The following PDZRN3 variants were observed in gnomAD, a reference collection of about 807,000 sequenced individuals.
PDZRN3 encodes E3 ubiquitin-protein ligase PDZRN3.
Under a neutral mutation model 85.7 loss-of-function variants are expected in PDZRN3, and 38 were observed. The observed-to-expected ratio is 0.44, with a 90% CI of 0.34 to 0.58. The LOEUF (loss-of-function observed/expected upper bound fraction) is 0.58. PDZRN3 is among the 20% of genes least tolerant of loss of function. The probability of loss-of-function intolerance (pLI) is 0.01; values close to 1 mark genes in which losing one functional copy is unlikely to be tolerated. For missense variants in PDZRN3, 1,629 were observed against 1,506.4 expected, an observed-to-expected ratio of 1.08 and a Z score of -1.35; for synonymous variants, 759 against 638.0, an observed-to-expected ratio of 1.19 and a Z score of -2.86.
intron 3 of PDZRN3, among the ~76,000 whole-genome samples, chr3:73,514,459 T>C (rs1420712946): frequency 6.6e-6 from 1 of 152,216 alleles, no homozygotes; most frequent in African/African-American, 2.4e-5. Context: ...AGGAGAGTGA[T>C]ACTTAGGGTT....
intron 3 of PDZRN3, among the ~76,000 whole-genome samples, chr3:73,530,953 C>T (rs1255511550): frequency 1.3e-5 from 2 of 152,058 alleles, no homozygotes; most frequent in Non-Finnish European, 2.9e-5. Context: ...ATTATCTTTA[C>T]TTTATCAAGA....
intron 3 of PDZRN3, among the ~76,000 whole-genome samples, chr3:73,457,622 C>A (rs187928798): frequency 1.3e-5 from 2 of 152,134 alleles, no homozygotes; most frequent in African/African-American, 2.4e-5. Context: ...CCAGTACTTG[C>A]CACCACAGAG....
intron 3 of PDZRN3, 55 bp from the exon 4 acceptor site, chr3:73,404,450 G>A (rs1021443567): frequency 2.4e-5 from 37 of 1,545,514 alleles, no homozygotes; most frequent in African/African-American, 4.1e-5. Context: ...AAAACGGAAG[G>A]ACAAATACAT....
At chr3:73,497,643 C>T (rs1703891630) in intron 3 of PDZRN3, among the ~76,000 whole-genome samples, 3 of 152,206 alleles carry the variant, frequency 2.0e-5, no homozygotes, top group Admixed American at 2.0e-4. Flanking sequence ...TCTACGTACC[C>T]ATCACCCAGC....
chr3:73,470,099 T>G (rs1248480997), intron 3 of PDZRN3, among the ~76,000 whole-genome samples: 1 of 152,150 alleles, frequency 6.6e-6, no homozygotes, highest in Non-Finnish European at 1.5e-5. Context: ...ACCACTGCAT[T>G]GGGGTATGAT....
At chr3:73,409,696 G>T (rs191342573) in intron 3 of PDZRN3, among the ~76,000 whole-genome samples, 128 of 152,214 alleles carry the variant, frequency 8.4e-4, no homozygotes, top group Non-Finnish European at 1.4e-3. Context: ...GGTTTTCACG[G>T]TCTACTTAGA....
intron 3 of PDZRN3, among the ~76,000 whole-genome samples, chr3:73,548,469 T>C (rs1308152630): frequency 6.6e-6 from 1 of 152,164 alleles, no homozygotes; most frequent in African/African-American, 2.4e-5. Context: ...ACTCACTAAT[T>C]TGAGGCTTTT....
At chr3:73,438,083 A>T (rs1702564332) in intron 3 of PDZRN3, among the ~76,000 whole-genome samples, 2 of 152,206 alleles carry the variant, frequency 1.3e-5, no homozygotes, top group Non-Finnish European at 2.9e-5. Context: ...TAATAAGCTC[A>T]CCAGAGCACA....
intron 3 of PDZRN3, among the ~76,000 whole-genome samples, chr3:73,416,876 GTTTTTTT>G (rs146381615): frequency 9.1e-6 from 1 of 110,406 alleles, no homozygotes; most frequent in Non-Finnish European, 1.8e-5. Flanking sequence ...TTTTTTTTTG[GTTTTTTT>G]TTTTTTTTTT....
intron 3 of PDZRN3, among the ~76,000 whole-genome samples, chr3:73,518,016 A>G (rs550850643): frequency 9.3e-4 from 141 of 152,376 alleles, no homozygotes; most frequent in Middle Eastern, 6.8e-3. Context: ...GTATATACCC[A>G]AAAGAATGGA....
chr3:73,590,870 G>A (rs1329201093), intron 3 of PDZRN3, among the ~76,000 whole-genome samples: 3 of 152,060 alleles, frequency 2.0e-5, no homozygotes, highest in African/African-American at 7.2e-5. Context: ...ATACTTAATC[G>A]ATTCTATTTT....
At chr3:73,494,096 G>A (rs1308841048) in intron 3 of PDZRN3, among the ~76,000 whole-genome samples, 1 of 152,134 alleles carries the variant, frequency 6.6e-6, no homozygotes, top group African/African-American at 2.4e-5. Flanking sequence ...GCTATGTTTT[G>A]TTTTCTGCTG....
intron 3 of PDZRN3, among the ~76,000 whole-genome samples, chr3:73,543,473 G>C (rs939678567): frequency 6.6e-6 from 1 of 152,226 alleles, no homozygotes; most frequent in African/African-American, 2.4e-5. Context: ...CTTTAAATTT[G>C]TTCTTTCATG....
At chr3:73,415,950 G>A (rs538408031) in intron 3 of PDZRN3, among the ~76,000 whole-genome samples, 4 of 144,322 alleles carry the variant, frequency 2.8e-5, no homozygotes, top group Admixed American at 7.0e-5. Flanking sequence ...CTGGACATTT[G>A]CCAAGAGAGT....
chr3:73,614,209 C>A (rs532467007), intron 1 of PDZRN3, among the ~76,000 whole-genome samples: 1 of 152,150 alleles, frequency 6.6e-6, no homozygotes, highest in Non-Finnish European at 1.5e-5. Context: ...AGTGGAAAAT[C>A]AAAAATTGAA....
chr3:73,415,522 T>A (rs1436547066), intron 3 of PDZRN3, among the ~76,000 whole-genome samples: 1 of 152,228 alleles, frequency 6.6e-6, no homozygotes, highest in Non-Finnish European at 1.5e-5. Flanking sequence ...TTATGATGGT[T>A]TGACTTATGA....
chr3:73,478,946 T>A (rs1703509740), intron 3 of PDZRN3, among the ~76,000 whole-genome samples: 1 of 152,230 alleles, frequency 6.6e-6, no homozygotes, highest in African/African-American at 2.4e-5. Flanking sequence ...TAGCCTTTAT[T>A]CTCAGAGCAG....
chr3:73,513,248 C>T (rs1261744643), intron 3 of PDZRN3, among the ~76,000 whole-genome samples: 2 of 152,184 alleles, frequency 1.3e-5, no homozygotes, highest in African/African-American at 2.4e-5. Flanking sequence ...TCATAGTCAT[C>T]GTCTTCTTTT....
At chr3:73,551,950 C>A (rs1017796769) in intron 3 of PDZRN3, among the ~76,000 whole-genome samples, 2 of 152,170 alleles carry the variant, frequency 1.3e-5, no homozygotes, top group African/African-American at 2.4e-5. Flanking sequence ...ATTCTCAATG[C>A]CACACTGCTA....
Sources: allele counts gnomAD v4.1 joint callset (sites outside exome capture counted in the v4.1 genomes callset), GRCh38; gene constraint gnomAD v4.1.1; transcripts MANE v1.5; gene names NCBI Gene and HGNC (gene_info 2026-07-23, HGNC 2026-07-21).